Variants in ATP10A observed in about 807,000 individuals in gnomAD.
ATP10A encodes the protein phospholipid-transporting ATPase VA.
ATP10A carries 111 observed loss-of-function variants against 147.8 expected under a neutral mutation model. The ratio of observed to expected loss-of-function variants is 0.75; its 90% confidence interval spans 0.64 to 0.88. The LOEUF (loss-of-function observed/expected upper bound fraction) is 0.88, where lower values mean the gene tolerates loss of function less well. Ranked by LOEUF, ATP10A falls within the 40% of genes least tolerant of loss-of-function variation. ATP10A has a pLI of 0.00. For missense variants in ATP10A, 1,927 were observed against 1,959.0 expected (o/e 0.98, Z 0.31); for synonymous variants, 875 against 841.6 (o/e 1.04, Z -0.69).
Position 25,727,165 on chromosome 15 carries a change from T to A in ATP10A, c.842A>T (p.Tyr281Phe). The A allele has an allele frequency of 6.2e-7, 1 of 1,613,928 alleles. No homozygotes were observed. The highest frequency in any genetic ancestry group is 1.3e-5 in the African/African-American group (1 of 75,024). ...TGCCAGGTGCCCGAGCCTACCTGCGTAGATGACAATGCCGACGACTGCGTC... is the reference window on the plus strand; with the variant it reads ...TGCCAGGTGCCCGAGCCTACCTGCGAAGATGACAATGCCGACGACTGCGTC... ...NTDAVVGIVI[Y>F]AGHETKALLN... is the part of the protein sequence containing the mutation. The change falls in exon 4 of 21, where the codon TAC (tyrosine) becomes TTC (phenylalanine). Residue 281 changes from tyrosine (Y) to phenylalanine (F), a missense_variant. Transcript: ENST00000555815.
chr15:25,686,056 G>A (rs907819362), intron 16 of ATP10A, among the ~76,000 whole-genome samples: 1 of 152,090 alleles, frequency 6.6e-6, no homozygotes, highest in African/African-American at 2.4e-5. Flanking sequence ...GCCCAGGAGT[G>A]GTGTGACACA....
At chr15:25,804,419 C>T (rs1260504422) in intron 1 of ATP10A, among the ~76,000 whole-genome samples, 1 of 139,838 alleles carries the variant, frequency 7.2e-6, no homozygotes, top group Non-Finnish European at 1.5e-5. Context: ...GTGTGTGCAT[C>T]TGCGTGTGTA....
chr15:25,768,099 C>A (rs1335305231), intron 2 of ATP10A, among the ~76,000 whole-genome samples: 1 of 152,216 alleles, frequency 6.6e-6, no homozygotes, highest in Admixed American at 6.5e-5. Context: ...GTTCTCTGCA[C>A]TGGATGAGGG....
intron 2 of ATP10A, among the ~76,000 whole-genome samples, chr15:25,769,594 C>T (rs1596851005): frequency 6.6e-6 from 1 of 151,970 alleles, no homozygotes; most frequent in African/African-American, 2.4e-5. Flanking sequence ...ACCCGGGTGC[C>T]TCAGCCTTCA....
At chr15:25,757,172 T>C (rs1479194985) in intron 2 of ATP10A, among the ~76,000 whole-genome samples, 1 of 152,206 alleles carries the variant, frequency 6.6e-6, no homozygotes, top group Admixed American at 6.5e-5. Flanking sequence ...TTTATATACT[T>C]TGACATCTTG....
At position 25,749,195 on chromosome 15, in the gene ATP10A, AAC is replaced by A. The variant is rs376020742; in HGVS notation, c.655-13056_655-13055del. ...ATGTATACTATATTTACTACATGTA[AAC>A]ACACACACATTGAATTCATAAGCAC... is the stretch of plus-strand genomic sequence containing the variant. On this transcript the variant is annotated intron_variant, in intron 2 of 20. Transcript: ENST00000555815. 8.5e-5 allele frequency among the ~76,000 whole-genome samples: 13 copies of A among 152,298 alleles called. No homozygotes were observed. The East Asian group carries it at 1.5e-3, about 18-fold the overall frequency.
chr15:25,773,710 T>A (rs1461315301), intron 2 of ATP10A, among the ~76,000 whole-genome samples: 2 of 152,108 alleles, frequency 1.3e-5, no homozygotes, highest in Non-Finnish European at 2.9e-5. Flanking sequence ...ATCACTTCAT[T>A]TTGCTTTCTT....
intron 1 of ATP10A, among the ~76,000 whole-genome samples, chr15:25,845,985 G>A (rs930909367): frequency 3.9e-5 from 6 of 152,198 alleles, no homozygotes; most frequent in Admixed American, 6.5e-5. Context: ...CCTCAGAAAG[G>A]AGGCTCTGGC....
intron 1 of ATP10A, among the ~76,000 whole-genome samples, chr15:25,856,959 T>C (rs1388144486): frequency 6.6e-6 from 1 of 151,904 alleles, no homozygotes; most frequent in Admixed American, 6.6e-5. Flanking sequence ...CAAAATAAAT[T>C]GCAAGGGAAA....
chr15:25,697,633 A>T (rs1035978293), intron 13 of ATP10A, among the ~76,000 whole-genome samples: 1 of 152,264 alleles, frequency 6.6e-6, no homozygotes, highest in South Asian at 2.1e-4. Context: ...TTTGTGACAG[A>T]AATACATTAA....
In ATP10A at chr15:25,687,865, C is replaced by T. The variant is rs184472483; in HGVS notation, c.3166-37G>A. Reference sequence around the variant, plus strand: ...GAGGGATTCCTGTTACTGGTGATGCCGACCTGGCGTCAGATTTGTCTTCTC... The same window carrying T: ...GAGGGATTCCTGTTACTGGTGATGCTGACCTGGCGTCAGATTTGTCTTCTC... On this transcript the variant is annotated intron_variant, in intron 15 of 20. Transcript: ENST00000555815. 54 of 1,613,368 alleles carry T rather than the reference C, an allele frequency of 3.3e-5. 1 individual carries two copies. The Admixed American group carries it at 6.2e-4, about 18-fold the overall frequency.
intron 15 of ATP10A, among the ~76,000 whole-genome samples, chr15:25,691,219 A>G (rs1304903951): frequency 6.6e-6 from 1 of 152,214 alleles, no homozygotes; most frequent in African/African-American, 2.4e-5. Flanking sequence ...TCATTTGTTC[A>G]ATGTCTGACT....
At chr15:25,769,396 G>C (rs1365684184) in intron 2 of ATP10A, among the ~76,000 whole-genome samples, 1 of 142,006 alleles carries the variant, frequency 7.0e-6, no homozygotes, top group African/African-American at 2.6e-5. Flanking sequence ...CTGAGGCAGA[G>C]AATTGCTTGA....
At position 25,721,834 on chromosome 15, in the gene ATP10A, T is replaced by C. The variant is rs1301679936; in HGVS notation, c.1186A>G (p.Met396Val). ...TCTGTTTCTTCGTCATACAACTGCA[T>C]GTCCTGGTTAATGAAGTACACTTGG... is the stretch of plus-strand genomic sequence containing the variant. ...ACQVYFINQD[M>V]QLYDEETDSQ... Residue 396 changes from methionine (M) to valine (V), a missense_variant, in exon 7 of 21, where the codon ATG becomes GTG. By Grantham distance (21) the Met-to-Val change is conservative (BLOSUM62 1). Coordinates refer to ENST00000555815, the MANE Select transcript of ATP10A (RefSeq NM_024490.4). 6 of 1,614,198 alleles carry C rather than the reference T, an allele frequency of 3.7e-6. No individual in the cohort carries two copies. The highest frequency in any genetic ancestry group is 3.3e-5 in the Admixed American group (2 of 60,028).
intron 2 of ATP10A, among the ~76,000 whole-genome samples, chr15:25,771,730 A>C (rs891244860): frequency 2.6e-5 from 4 of 151,142 alleles, no homozygotes; most frequent in African/African-American, 9.7e-5. Flanking sequence ...AAATGTATGA[A>C]TACTACACCT....
chr15:25,860,877 T>C (rs1450870014), intron 1 of ATP10A, among the ~76,000 whole-genome samples: 1 of 152,262 alleles, frequency 6.6e-6, no homozygotes, highest in Non-Finnish European at 1.5e-5. Context: ...GTATTTCTCC[T>C]GAGGCATAAG....
chr15:25,781,135 C>T lies in ATP10A; in HGVS notation c.538G>A (p.Asp180Asn), dbSNP rs1889902023. ...RLRCNEIFPA[D>N]ILLLSSSDPD... is the part of the protein sequence containing the mutation. ...TCACTGGAGGAGAGCAGCAGAATGT[C>T]CGCAGGGAAGATTTCGTTGCAGCGA... is the stretch of plus-strand genomic sequence containing the variant. Residue 180 changes from aspartate (D) to asparagine (N), a missense_variant, in exon 2 of 21, where the codon GAC (aspartate) becomes AAC (asparagine). Transcript: ENST00000555815. 6.2e-7 allele frequency: 1 copy of T among 1,614,206 alleles called. No individual in the cohort carries two copies. Among genetic ancestry groups the T allele is most frequent in the Non-Finnish European group, 8.5e-7 (1 of 1,180,032 alleles).
downstream of ATP10A, among the ~76,000 whole-genome samples, chr15:25,673,225 T>G (rs1899075973): frequency 6.6e-6 from 1 of 152,138 alleles, no homozygotes; most frequent in Admixed American, 6.5e-5. Context: ...GCGAGGTAGC[T>G]CAGGCAAAAC....
At chr15:25,827,694 T>C (rs1892174347) in intron 1 of ATP10A, among the ~76,000 whole-genome samples, 2 of 152,028 alleles carry the variant, frequency 1.3e-5, no homozygotes, top group African/African-American at 4.8e-5. Flanking sequence ...CAAGCAAATA[T>C]CTATTTGACA....
Sources: gnomAD v4.1 joint callset for allele counts (sites outside exome capture counted in the v4.1 genomes callset) on GRCh38, gnomAD v4.1.1 for gene constraint, MANE v1.5 for transcripts, NCBI Gene and HGNC (gene_info 2026-07-23, HGNC 2026-07-21) for gene names.